KCNAB1: variants seen among roughly 807,000 people sequenced by gnomAD.
The protein encoded by KCNAB1 is voltage-gated potassium channel subunit beta-1.
KCNAB1 carries 35 observed loss-of-function variants against 64.6 expected under a neutral mutation model. The ratio of observed to expected loss-of-function variants is 0.54; its 90% CI spans 0.41 to 0.72. The LOEUF (loss-of-function observed/expected upper bound fraction) is 0.72, where lower values mean the gene tolerates loss of function less well. Ranked by LOEUF, KCNAB1 falls within the 30% of genes least tolerant of loss-of-function variation. The pLI is 0.00. For synonymous variants in KCNAB1, 177 were observed against 183.8 expected (o/e 0.96, Z 0.30); for missense variants, 401 against 512.9 (o/e 0.78, Z 2.11).
At chr3:156,207,782 T>G (rs373144516) in intron 1 of KCNAB1, among the ~76,000 whole-genome samples, 1 of 152,194 alleles carries the variant, frequency 6.6e-6, no homozygotes, top group African/African-American at 2.4e-5. Context: ...AGGGGTGTCA[T>G]TCACAGGATA....
intron 1 of KCNAB1, among the ~76,000 whole-genome samples, chr3:156,407,777 AGCCACATTGCTCTTCCTATCT>A (rs1398326273): frequency 6.6e-6 from 1 of 152,234 alleles, no homozygotes; most frequent in Non-Finnish European, 1.5e-5. Flanking sequence ...GATCTCTTCC[AGCCACATTGCTCTTCCTATCT>A]GCAATCAGCA....
intron 1 of KCNAB1, among the ~76,000 whole-genome samples, chr3:156,353,113 T>C (rs1041023334): frequency 6.6e-6 from 1 of 152,226 alleles, no homozygotes; most frequent in Non-Finnish European, 1.5e-5. Context: ...AATTTGCCAA[T>C]TGTAAAATTA....
At chr3:156,372,243 G>A (rs1576786247) in intron 1 of KCNAB1, among the ~76,000 whole-genome samples, 2 of 152,356 alleles carry the variant, frequency 1.3e-5, no homozygotes, top group East Asian at 3.8e-4. Flanking sequence ...TTGAATAGTA[G>A]GATATGGTGT....
chr3:156,128,953 A>G (rs1192721130), intron 1 of KCNAB1, among the ~76,000 whole-genome samples: 1 of 152,222 alleles, frequency 6.6e-6, no homozygotes, highest in East Asian at 1.9e-4. Flanking sequence ...GATCTGACAA[A>G]AATCCTCAAG....
intron 1 of KCNAB1, among the ~76,000 whole-genome samples, chr3:156,325,262 G>A (rs530630433): frequency 6.6e-6 from 1 of 152,102 alleles, no homozygotes; most frequent in African/African-American, 2.4e-5. Flanking sequence ...GTCTGACTCT[G>A]GGGCTCAAGC....
At chr3:156,167,551 GACA>G (rs1711663521) in intron 1 of KCNAB1, among the ~76,000 whole-genome samples, 1 of 152,108 alleles carries the variant, frequency 6.6e-6, no homozygotes, top group Non-Finnish European at 1.5e-5. Context: ...TTTGTGCTAT[GACA>G]ACATCAATAG....
intron 1 of KCNAB1, among the ~76,000 whole-genome samples, chr3:156,403,558 G>A (rs1164103892): frequency 6.6e-6 from 1 of 152,172 alleles, no homozygotes; most frequent in African/African-American, 2.4e-5. Flanking sequence ...GACTTGATGA[G>A]GGTGACCATA....
intron 1 of KCNAB1, among the ~76,000 whole-genome samples, chr3:156,123,675 C>T (rs1241703989): frequency 6.6e-6 from 1 of 152,148 alleles, no homozygotes; most frequent in Admixed American, 6.5e-5. Context: ...TGACTGATAA[C>T]TCTGTGATAC....
At chr3:156,283,103 C>T (rs1719851767) in intron 1 of KCNAB1, among the ~76,000 whole-genome samples, 1 of 151,994 alleles carries the variant, frequency 6.6e-6, no homozygotes, top group Non-Finnish European at 1.5e-5. Flanking sequence ...GCGGCTGGTA[C>T]TGGTTGTTCC....
At chr3:156,176,531 G>C (rs1265020950) in intron 1 of KCNAB1, 1 of 804,742 alleles carries the variant, frequency 1.2e-6, no homozygotes, top group Non-Finnish European at 2.3e-6. Context: ...TGTGGATGCT[G>C]GGAAGAGCAT....
At chr3:156,418,984 G>C (rs1559875058) in intron 1 of KCNAB1, among the ~76,000 whole-genome samples, 1 of 152,134 alleles carries the variant, frequency 6.6e-6, no homozygotes, top group Non-Finnish European at 1.5e-5. Flanking sequence ...AGGCCATCTT[G>C]GGCGTTTAAA....
rs1719090970 is a variant in KCNAB1 at position 156,536,802 on chromosome 3, A to G, written c.*55A>G. 1 of 1,223,288 alleles carries G rather than the reference A, an allele frequency of 8.2e-7. No homozygotes were observed. Among genetic ancestry groups the G allele is most frequent in the Non-Finnish European group, 1.2e-6 (1 of 825,698 alleles). 75.8% of individuals were successfully genotyped at this position (1,223,288 alleles called of 1,614,324 possible). A position where few individuals can be genotyped will look rare whatever the true frequency, so the allele number is the denominator to read the frequency against. On this transcript the variant is annotated 3_prime_UTR_variant, in exon 14 of 14. Transcript: ENST00000490337. ...GTTAAAATAGCGGCCTGTGCCCAGT[A>G]CAGAAAGGTGTTACTAACCAGTCTT...
intron 1 of KCNAB1, chr3:156,291,888 G>C: frequency 6.2e-7 from 1 of 1,613,686 alleles, no homozygotes; most frequent in Non-Finnish European, 8.5e-7. Flanking sequence ...GAGAGGGACC[G>C]TGCGCTGCCT....
intron 1 of KCNAB1, among the ~76,000 whole-genome samples, chr3:156,320,589 G>C (rs957427004): frequency 2.0e-5 from 3 of 152,146 alleles, no homozygotes; most frequent in African/African-American, 7.2e-5. Context: ...AAAGTGGGAG[G>C]CTACCGCAGC....
intron 8 of KCNAB1, among the ~76,000 whole-genome samples, chr3:156,500,031 C>G (rs1716286625): frequency 6.6e-6 from 1 of 152,210 alleles, no homozygotes; most frequent in African/African-American, 2.4e-5. Context: ...CTGCATTACT[C>G]TCTCCTTGCC....
At chr3:156,468,635 A>G (rs1713616520) in intron 7 of KCNAB1, among the ~76,000 whole-genome samples, 1 of 152,224 alleles carries the variant, frequency 6.6e-6, no homozygotes, top group African/African-American at 2.4e-5. Context: ...CACATTGAGC[A>G]CAGTGTCTGT....
chr3:156,449,276 CT>C (rs1184416458), intron 2 of KCNAB1, among the ~76,000 whole-genome samples: 1 of 152,126 alleles, frequency 6.6e-6, no homozygotes, highest in Non-Finnish European at 1.5e-5. Flanking sequence ...AACCTCACAT[CT>C]TTTTTTCTGT....
intron 1 of KCNAB1, chr3:156,291,803 A>C: frequency 6.4e-7 from 1 of 1,561,942 alleles, no homozygotes; most frequent in Non-Finnish European, 8.7e-7. Context: ...AAGGGGGAGC[A>C]AGGAGGGCTT....
upstream of KCNAB1, chr3:156,120,529 G>A (rs911178348): frequency 3.8e-5 from 57 of 1,502,522 alleles, no homozygotes; most frequent in Admixed American, 1.6e-4. Flanking sequence ...GGGCAGGGAC[G>A]AGGGAGGGAG....
Sources: allele counts gnomAD v4.1 joint callset (sites outside exome capture counted in the v4.1 genomes callset), GRCh38; gene constraint gnomAD v4.1.1; transcripts MANE v1.5; gene names NCBI Gene and HGNC (gene_info 2026-07-23, HGNC 2026-07-21).